Variants in KCNIP4 observed in about 807,000 individuals in gnomAD.
KCNIP4 encodes potassium voltage-gated channel interacting protein 4.
Under a neutral mutation model 34.0 loss-of-function variants are expected in KCNIP4, and 12 were observed. The observed-to-expected ratio is 0.35, with a 90% CI of 0.23 to 0.57. KCNIP4 has a LOEUF of 0.57. Among genes scored for constraint, KCNIP4 ranks in the 20% least tolerant of loss-of-function variants. The pLI is 0.83. For synonymous variants in KCNIP4, 124 were observed against 102.2 expected (o/e 1.21, Z -1.29); for missense variants, 238 against 311.7 (o/e 0.76, Z 1.78).
intron 1 of KCNIP4, among the ~76,000 whole-genome samples, chr4:21,053,966 A>C (rs1743162022): frequency 6.7e-6 from 1 of 148,712 alleles, no homozygotes; most frequent in Admixed American, 6.7e-5. Flanking sequence ...ATACAATCCT[A>C]ATCATAATTC....
chr4:21,250,896 TCA>T (rs1760651376), intron 1 of KCNIP4, among the ~76,000 whole-genome samples: 1 of 150,430 alleles, frequency 6.6e-6, no homozygotes, highest in Admixed American at 6.7e-5. Flanking sequence ...TATATTATAC[TCA>T]TATATGTTTC....
chr4:21,361,129 C>A (rs559836592), intron 1 of KCNIP4, among the ~76,000 whole-genome samples: 32 of 152,110 alleles, frequency 2.1e-4, no homozygotes, highest in African/African-American at 7.0e-4. Flanking sequence ...CTGACTTATT[C>A]TTAGATAATC....
intron 1 of KCNIP4, among the ~76,000 whole-genome samples, chr4:21,531,157 A>G (rs11733529): frequency 0.18 from 26,875 of 152,136 alleles, 2,776 homozygotes; most frequent in Middle Eastern, 0.26. Flanking sequence ...CTGCTCTTTC[A>G]GCTTGCAAGC....
chr4:21,786,572 C>CTT (rs10688809), intron 1 of KCNIP4, among the ~76,000 whole-genome samples: 2,323 of 143,042 alleles, frequency 0.016, 47 homozygotes, highest in Middle Eastern at 0.051. Flanking sequence ...GAGAGTCACT[C>CTT]TTTTTTTTTT....
chr4:21,066,039 C>T (rs917256549), intron 1 of KCNIP4, among the ~76,000 whole-genome samples: 20 of 151,902 alleles, frequency 1.3e-4, no homozygotes, highest in African/African-American at 4.4e-4. Flanking sequence ...ATAGCCCCTT[C>T]GAGTTTTTAT....
intron 1 of KCNIP4, among the ~76,000 whole-genome samples, chr4:21,240,998 A>G (rs1759771416): frequency 6.6e-6 from 1 of 152,208 alleles, no homozygotes; most frequent in African/African-American, 2.4e-5. Flanking sequence ...AATTAGGCCA[A>G]AATAAGGAAC....
chr4:21,052,316 A>G (rs1031472401), intron 1 of KCNIP4, among the ~76,000 whole-genome samples: 1 of 152,188 alleles, frequency 6.6e-6, no homozygotes, highest in African/African-American at 2.4e-5. Flanking sequence ...GAATTTGTAC[A>G]TATGACCAAA....
At chr4:20,869,882 G>A (rs1000335344) in intron 2 of KCNIP4, among the ~76,000 whole-genome samples, 2 of 152,012 alleles carry the variant, frequency 1.3e-5, no homozygotes, top group Non-Finnish European at 2.9e-5. Context: ...TGGGCAAAGT[G>A]CTTAGTCTAT....
chr4:21,371,311 T>C (rs556494869), intron 1 of KCNIP4, among the ~76,000 whole-genome samples: 2 of 146,572 alleles, frequency 1.4e-5, no homozygotes, highest in South Asian at 4.3e-4. Flanking sequence ...AAGAACAATG[T>C]AGGCAAGAAG....
rs527571665 is a variant in KCNIP4 at position 21,357,538 on chromosome 4, C to T, written c.62-474829G>A. Among the ~76,000 whole-genome samples the T allele has an allele frequency of 3.2e-3, 484 of 152,248 alleles. 4 individuals are homozygous for T. Among genetic ancestry groups the T allele is most frequent in the African/African-American group, 0.011 (465 of 41,532 alleles). On this transcript the variant is annotated intron_variant, in intron 1 of 8. Transcript: ENST00000382152. ...TGAACAGACACTTCTCAAAAGAAGA[C>T]ATTTATACAGCCAACAGACACATGA...
rs76703383 is a variant in KCNIP4 at position 21,319,982 on chromosome 4, T to C, written c.62-437273A>G. On this transcript the variant is annotated intron_variant, in intron 1 of 8. Coordinates refer to ENST00000382152, the MANE Select transcript of KCNIP4 (RefSeq NM_025221.6). ...TCCTTTTCAGTTATATTTATTTGTG[T>C]TTTTCTATATGTTCCTGGTTATGAT... is the stretch of plus-strand genomic sequence containing the variant. 2.9e-3 allele frequency among the ~76,000 whole-genome samples: 442 copies of C among 152,302 alleles called. 3 individuals are homozygous for C. Among genetic ancestry groups the C allele is most frequent in the African/African-American group, 8.8e-3 (367 of 41,560 alleles).
intron 1 of KCNIP4, among the ~76,000 whole-genome samples, chr4:20,899,874 G>T (rs1341675800): frequency 1.3e-5 from 2 of 152,128 alleles, no homozygotes; most frequent in East Asian, 3.9e-4. Flanking sequence ...CATGATCCCT[G>T]TGTAATTCAC....
intron 1 of KCNIP4, among the ~76,000 whole-genome samples, chr4:21,049,372 G>A (rs1026743713): frequency 6.6e-5 from 10 of 152,234 alleles, no homozygotes; most frequent in African/African-American, 1.7e-4. Flanking sequence ...TTTTAAGCCC[G>A]TAAGTTTTGG....
At chr4:21,328,804 C>A (rs1172254392) in intron 1 of KCNIP4, among the ~76,000 whole-genome samples, 5 of 152,210 alleles carry the variant, frequency 3.3e-5, no homozygotes, top group Admixed American at 3.3e-4. Flanking sequence ...AAAACAAAGC[C>A]CTTCCTACTC....
intron 3 of KCNIP4, among the ~76,000 whole-genome samples, chr4:20,778,092 C>A (rs905331518): frequency 6.6e-6 from 1 of 152,314 alleles, no homozygotes; most frequent in East Asian, 1.9e-4. Flanking sequence ...AAGGCCTCCA[C>A]TCCCAAACTC....
chr4:21,872,230 A>G (rs866566277), intron 1 of KCNIP4, among the ~76,000 whole-genome samples: 1 of 152,120 alleles, frequency 6.6e-6, no homozygotes, highest in Non-Finnish European at 1.5e-5. Context: ...ATCCCCAGGA[A>G]CAAAATTCCC....
At chr4:20,835,573 T>C (rs1415701467) in intron 3 of KCNIP4, among the ~76,000 whole-genome samples, 2 of 152,176 alleles carry the variant, frequency 1.3e-5, no homozygotes, top group Non-Finnish European at 2.9e-5. Flanking sequence ...TTATTTTTCT[T>C]ACAATTGTTA....
At chr4:21,207,078 C>A (rs1169974655) in intron 1 of KCNIP4, among the ~76,000 whole-genome samples, 2 of 152,116 alleles carry the variant, frequency 1.3e-5, no homozygotes, top group Non-Finnish European at 1.5e-5. Context: ...AATTAGACAC[C>A]CCCCTGGTTA....
chr4:21,788,286 G>GA (rs201214782), intron 1 of KCNIP4, among the ~76,000 whole-genome samples: 14,584 of 149,146 alleles, frequency 0.098, 721 homozygotes, highest in Middle Eastern at 0.17. Context: ...AATGAAAAAT[G>GA]AAAAAAAAAA....
Sources: gnomAD v4.1 joint callset for allele counts (sites outside exome capture counted in the v4.1 genomes callset) on GRCh38, gnomAD v4.1.1 for gene constraint, MANE v1.5 for transcripts, NCBI Gene and HGNC (gene_info 2026-07-23, HGNC 2026-07-21) for gene names.